ZC3H14: variants seen among roughly 807,000 people sequenced by gnomAD.
ZC3H14 encodes the protein zinc finger CCCH-type containing 14.
Under a neutral mutation model 92.4 loss-of-function variants are expected in ZC3H14, and 31 were observed. That is an observed-to-expected ratio of 0.34 (90% CI 0.25 to 0.45). ZC3H14 has a LOEUF of 0.45. Ranked by LOEUF, ZC3H14 falls within the 20% of genes least tolerant of loss-of-function variation. ZC3H14 has a pLI of 1.00. For missense variants in ZC3H14, 781 were observed against 897.3 expected (o/e 0.87, Z 1.66); for synonymous variants, 321 against 300.9 (o/e 1.07, Z -0.69).
At chr14:88,591,587 G>C (rs535569384) in intron 9 of ZC3H14, 1 of 152,332 alleles carries the variant, frequency 6.6e-6, no homozygotes, top group Non-Finnish European at 1.5e-5. Context: ...GAAGCACTGT[G>C]AAAGATTCTT....
intron 9 of ZC3H14, among the ~76,000 whole-genome samples, chr14:88,581,434 G>C (rs888555976): frequency 2.6e-5 from 4 of 152,022 alleles, no homozygotes; most frequent in Admixed American, 1.3e-4. Flanking sequence ...TGTGGTGTGC[G>C]CCTGTAGTCC....
At chr14:88,605,527 T>C (rs906069480) in intron 12 of ZC3H14, among the ~76,000 whole-genome samples, 2 of 152,028 alleles carry the variant, frequency 1.3e-5, no homozygotes, top group African/African-American at 4.8e-5. Context: ...AGAGATGGGG[T>C]TTCACCATGT....
rs781369283 is a variant in ZC3H14 at position 88,621,333 on chromosome 14, G to A, written c.*9582G>A. The A allele has an allele frequency of 5.0e-6, 8 of 1,609,060 alleles. No individual in the cohort carries two copies. The South Asian group carries it at 7.7e-5, about 15-fold the overall frequency. ...CACAAGCAGGACCAATACAGTGAAT[G>A]TAATACAACAGCTGCTTTTCTTCTT... On this transcript the variant is annotated 3_prime_UTR_variant, in exon 17 of 17. Transcript: ENST00000251038.
intron 9 of ZC3H14, among the ~76,000 whole-genome samples, chr14:88,582,165 CTGATA>C (rs2081983770): frequency 6.6e-6 from 1 of 152,204 alleles, no homozygotes; most frequent in Non-Finnish European, 1.5e-5. Flanking sequence ...ATGATTTCAG[CTGATA>C]AGAGAACAAG....
chr14:88,580,325 T>C (rs1319240809), intron 9 of ZC3H14, among the ~76,000 whole-genome samples: 2 of 152,008 alleles, frequency 1.3e-5, no homozygotes, highest in Non-Finnish European at 2.9e-5. Context: ...AAGACTAAAT[T>C]AGAAAGAACT....
At position 88,624,770 on chromosome 14, in the gene ZC3H14, C is replaced by T; in HGVS notation, c.*13019C>T. ...CACCTCAGAAAAAGTATCACCCCAA[C>T]ATGAAAAAAATTGGAAGTGAATTAA... On this transcript the variant is annotated 3_prime_UTR_variant, in exon 17 of 17. Coordinates refer to ENST00000251038, the MANE Select transcript of ZC3H14 (RefSeq NM_024824.5). 1.7e-6 allele frequency: 1 copy of T among 598,606 alleles called. No individual in the cohort carries two copies. Among genetic ancestry groups the T allele is most frequent in the Non-Finnish European group, 2.8e-6 (1 of 358,062 alleles). 37.1% of individuals were successfully genotyped at this position (598,606 alleles called of 1,614,324 possible).
intron 10 of ZC3H14, among the ~76,000 whole-genome samples, chr14:88,597,383 A>G (rs771555064): frequency 2.0e-5 from 3 of 152,108 alleles, no homozygotes; most frequent in Admixed American, 6.5e-5. Flanking sequence ...TGCATGTTCA[A>G]TGTCTTAAAA....
chr14:88,567,126 T>TTATTTTTC (rs2079767259), intron 2 of ZC3H14, among the ~76,000 whole-genome samples: 1 of 133,786 alleles, frequency 7.5e-6, no homozygotes, highest in South Asian at 2.4e-4. Context: ...ATTTATTTAT[T>TTATTTTTC]TTTTTTTGAG....
chr14:88,578,793 T>TG (rs983670773), intron 9 of ZC3H14, among the ~76,000 whole-genome samples: 1 of 144,204 alleles, frequency 6.9e-6, no homozygotes, highest in African/African-American at 2.5e-5. Context: ...TTTTTTTTTT[T>TG]TTTTTTTTTT....
Position 88,568,147 on chromosome 14 carries a change from C to G in ZC3H14, c.188C>G (p.Thr63Ser). The G allele has an allele frequency of 6.2e-7, 1 of 1,613,734 alleles. No individual in the cohort carries two copies. The highest frequency in any genetic ancestry group is 8.5e-7 in the Non-Finnish European group (1 of 1,179,698). Residue 63 changes from threonine (T) to serine (S), a missense_variant, in exon 3 of 17, where the codon ACC becomes AGC. Coordinates refer to ENST00000251038, the MANE Select transcript of ZC3H14 (RefSeq NM_024824.5). ...CTAGGGAACAACACAATTCGATTCA[C>G]CGTATGGTATGTTTCTGAATTTTTG... ...LFLGNNTIRF[T>S]VWLHGVLDKL...
At chr14:88,568,741 A>G (rs968389119) in intron 3 of ZC3H14, among the ~76,000 whole-genome samples, 1 of 152,236 alleles carries the variant, frequency 6.6e-6, no homozygotes, top group Non-Finnish European at 1.5e-5. Flanking sequence ...TAAAATGGAA[A>G]TAGTACAGCC....
intron 9 of ZC3H14, chr14:88,594,436 G>C: frequency 3.3e-6 from 4 of 1,220,562 alleles, no homozygotes; most frequent in Non-Finnish European, 4.1e-6. Flanking sequence ...ATGGTACTTA[G>C]AGGATGTAGG....
intron 9 of ZC3H14, among the ~76,000 whole-genome samples, chr14:88,587,530 A>G (rs8007288): frequency 0.33 from 50,307 of 151,984 alleles, 10,487 homozygotes; most frequent in Middle Eastern, 0.47. Flanking sequence ...TCCACCTTCT[A>G]AATTGTCACC....
chr14:88,564,651 G>C (rs1056170173), intron 2 of ZC3H14, among the ~76,000 whole-genome samples: 3 of 152,142 alleles, frequency 2.0e-5, no homozygotes, highest in Non-Finnish European at 4.4e-5. Flanking sequence ...AAACTTGTCA[G>C]CATAGTAACA....
In ZC3H14 at chr14:88,618,428, A is replaced by G. The variant is rs745340216; in HGVS notation, c.*6677A>G. 3.5e-6 allele frequency: 4 copies of G among 1,150,154 alleles called. No individual in the cohort carries two copies. The highest frequency in any genetic ancestry group is 5.1e-6 in the Non-Finnish European group (4 of 791,342). 71.2% of individuals were successfully genotyped at this position (1,150,154 alleles called of 1,614,324 possible). ...ATACTAGCATATTGCTACTTGATTTACATGTCTAACATTATTAAGTATGCA... is the reference window on the plus strand; with the variant it reads ...ATACTAGCATATTGCTACTTGATTTGCATGTCTAACATTATTAAGTATGCA... On this transcript the variant is annotated 3_prime_UTR_variant, in exon 17 of 17. Coordinates refer to ENST00000251038, the MANE Select transcript of ZC3H14 (RefSeq NM_024824.5).
chr14:88,587,363 A>G lies in ZC3H14; in HGVS notation c.1279+9223A>G, dbSNP rs905516825. On this transcript the variant is annotated intron_variant, in intron 9 of 16. Coordinates refer to ENST00000251038, the MANE Select transcript of ZC3H14 (RefSeq NM_024824.5). ...AAATTTTTAGTAGAGACAGGGTCTC[A>G]CCATCATGCCCAGGCTGGTCTCAAA... 2.0e-5 allele frequency among the ~76,000 whole-genome samples: 3 copies of G among 152,002 alleles called. No individual in the cohort carries two copies. The East Asian group carries it at 5.8e-4, about 30-fold the overall frequency.
chr14:88,616,631 A>T lies in ZC3H14; in HGVS notation c.*4880A>T. On this transcript the variant is annotated 3_prime_UTR_variant, in exon 17 of 17. Coordinates refer to ENST00000251038, the MANE Select transcript of ZC3H14 (RefSeq NM_024824.5). The stretch of plus-strand genomic sequence containing the variant: ...AAGTTTGGGGAAAAATTTAGAAATT[A>T]GGACAAAACATTTTAAATATATGGG... The T allele has an allele frequency of 1.6e-6, 2 of 1,261,440 alleles. No homozygotes were observed. The highest frequency in any genetic ancestry group is 1.1e-6 in the Non-Finnish European group (1 of 935,896). The allele number at this position is 1,261,440 out of a possible 1,614,324, so 78.1% of individuals were successfully genotyped here. A position where few individuals can be genotyped will look rare whatever the true frequency, so the allele number is the denominator to read the frequency against.
In ZC3H14 at chr14:88,602,672, C is replaced by T. The variant is rs140528615; in HGVS notation, c.1515-156C>T. Among the ~76,000 whole-genome samples, 448 of 152,286 alleles carry T rather than the reference C, an allele frequency of 2.9e-3. 4 individuals carry two copies. Among genetic ancestry groups the T allele is most frequent in the Middle Eastern group, 6.8e-3 (2 of 294 alleles). On this transcript the variant is annotated intron_variant, in intron 11 of 16. Transcript: ENST00000251038. ...ATGGCCATCGTGTGTTAGCAGAGAA[C>T]CCACCAGTGCTGCACCTGGTAGCCC...
intron 3 of ZC3H14, 46 bp downstream of exon 3, chr14:88,568,199 C>G (rs780265001): frequency 3.4e-5 from 51 of 1,498,728 alleles, no homozygotes; most frequent in Admixed American, 2.2e-4. Context: ...TTGGCACAAG[C>G]CTGAGTTGAT....
Sources: allele counts gnomAD v4.1 joint callset (sites outside exome capture counted in the v4.1 genomes callset), GRCh38; gene constraint gnomAD v4.1.1; transcripts MANE v1.5; gene names NCBI Gene and HGNC (gene_info 2026-07-23, HGNC 2026-07-21).